MYH13: variants seen among roughly 807,000 people sequenced by gnomAD.
The protein encoded by MYH13 is myosin-13.
Under a neutral mutation model 232.1 loss-of-function variants are expected in MYH13, and 177 were observed. The ratio of observed to expected loss-of-function variants is 0.76; its 90% confidence interval spans 0.67 to 0.86. The LOEUF (loss-of-function observed/expected upper bound fraction) is 0.86, where lower values mean the gene tolerates loss of function less well. Among genes scored for constraint, MYH13 ranks in the 40% least tolerant of loss-of-function variants. The pLI, the probability that MYH13 is intolerant of heterozygous loss-of-function variation, is 0.00. For synonymous variants in MYH13, 884 were observed against 923.5 expected, an observed-to-expected ratio of 0.96 and a Z score of 0.78; for missense variants, 2,246 against 2,405.9, an observed-to-expected ratio of 0.93 and a Z score of 1.39.
intron 11 of MYH13, among the ~76,000 whole-genome samples, chr17:10,354,043 A>G (rs535312425): frequency 1.8e-4 from 27 of 152,362 alleles, no homozygotes; most frequent in African/African-American, 5.8e-4. Flanking sequence ...CCACATTTGT[A>G]AAATGGAGAC....
At position 10,318,817 on chromosome 17, in the gene MYH13, G is replaced by T; in HGVS notation, c.3711C>A (p.Ser1237Arg). Reference sequence around the variant, plus strand: ...TTGACTTGGAGAGAGCCTCGATGTTGCTGGCCATGTCGTCAATCTCCATCT... The same window carrying T: ...TTGACTTGGAGAGAGCCTCGATGTTTCTGGCCATGTCGTCAATCTCCATCT... Reference protein sequence around the residue: ...ELKMEIDDMASNIEALSKSKS... With the variant: ...ELKMEIDDMARNIEALSKSKS... Residue 1237 changes from serine (S) to arginine (R), a missense_variant, in exon 27 of 41, where the codon AGC (serine) becomes AGA (arginine). Physicochemically the swap from Ser to Arg is moderately radical, Grantham distance 110 (BLOSUM62 -1). Transcript: ENST00000252172. 1 of 1,614,080 alleles carries T rather than the reference G, an allele frequency of 6.2e-7. No homozygotes were observed. The highest frequency in any genetic ancestry group is 1.1e-5 in the South Asian group (1 of 91,078).
intron 3 of MYH13, 99 bp downstream of exon 3, chr17:10,364,228 C>T (rs2071815221): frequency 7.9e-7 from 1 of 1,272,882 alleles, no homozygotes; most frequent in Admixed American, 2.1e-5. Context: ...TTTGTTCTGT[C>T]TTCAGATTCC....
rs148715854 is a variant in MYH13, at chr17:10,365,208, G to A, written c.-12-666C>T. On this transcript the variant is annotated intron_variant, in intron 2 of 40. Transcript: ENST00000252172. ...ACTTTCTAAATCGCTCATCGTGTTT[G>A]AGCCTGTGATCTCAGTGTCAGTTTA... is the stretch of plus-strand genomic sequence containing the variant. Among the ~76,000 whole-genome samples the A allele has an allele frequency of 3.9e-5, 6 of 152,278 alleles. No homozygotes were observed. In the East Asian group the frequency reaches 7.7e-4, roughly 20 times the overall value.
Position 10,333,086 on chromosome 17 carries a change from T to A in MYH13, c.2162A>T (p.Asp721Val). 1.9e-6 allele frequency: 3 copies of A among 1,550,290 alleles called. No individual in the cohort carries two copies. Among genetic ancestry groups the A allele is most frequent in the Non-Finnish European group, 2.6e-6 (3 of 1,145,654 alleles). Residue 721 changes from aspartate (D) to valine (V), a missense_variant, in exon 19 of 41, where the codon GAC becomes GTC. By Grantham distance (152) the Asp-to-Val change is radical (BLOSUM62 -3). Coordinates refer to ENST00000252172, the MANE Select transcript of MYH13 (RefSeq NM_003802.3). Reference sequence around the variant, plus strand: ...AGAGGGAACCTACCGCTGCTTGAAGTCAGCATAGAGGATCCGGCTGGGGAA... The same window carrying A: ...AGAGGGAACCTACCGCTGCTTGAAGACAGCATAGAGGATCCGGCTGGGGAA... ...KGFPSRILYA[D>V]FKQRYRILNA...
chr17:10,371,710 A>G (rs890505156), intron 1 of MYH13, among the ~76,000 whole-genome samples: 4 of 152,196 alleles, frequency 2.6e-5, no homozygotes, highest in Non-Finnish European at 4.4e-5. Flanking sequence ...GTCAGGGAAG[A>G]AAGAAAGTAG....
At position 10,306,746 on chromosome 17, in the gene MYH13, G is replaced by T. The variant is rs1906300582; in HGVS notation, c.5296-117C>A. 1.3e-6 allele frequency: 2 copies of T among 1,529,794 alleles called. No individual in the cohort carries two copies. The highest frequency in any genetic ancestry group is 1.3e-5 in the South Asian group (1 of 79,372). 94.8% of individuals were successfully genotyped at this position (1,529,794 alleles called of 1,614,324 possible). ...AGCCTCCCCTGTCTGACTGGGGCCA[G>T]TCATTGCTGATTCCCCACAGCCTCC... On this transcript the variant is annotated intron_variant, in intron 36 of 40. Coordinates refer to ENST00000252172, the MANE Select transcript of MYH13 (RefSeq NM_003802.3). The surrounding 1 kb of genome is among the most constrained non-coding windows in gnomAD (Gnocchi z 4.3).
At chr17:10,324,376 A>T in intron 22 of MYH13, 112 bp from the exon 23 acceptor site, 1 of 1,229,476 alleles carries the variant, frequency 8.1e-7, no homozygotes, top group Middle Eastern at 2.0e-4. Flanking sequence ...GAAATGGGTC[A>T]TGCACACACA....
intron 8 of MYH13, among the ~76,000 whole-genome samples, chr17:10,356,051 C>T (rs936176436): frequency 7.2e-5 from 11 of 151,884 alleles, no homozygotes; most frequent in Admixed American, 3.9e-4. Context: ...ATTTCATATG[C>T]GTGTTTGTGT....
intron 29 of MYH13, 104 bp from the exon 30 acceptor site, chr17:10,313,458 T>G: frequency 6.5e-7 from 1 of 1,538,762 alleles, no homozygotes; most frequent in Non-Finnish European, 8.8e-7. Flanking sequence ...ATCCCTATGC[T>G]GTCTTCACCA....
Position 10,306,525 on chromosome 17 carries a change from A to T in MYH13, c.5400T>A (p.Arg1800=). 6.2e-7 allele frequency: 1 copy of T among 1,613,680 alleles called. No homozygotes were observed. Residue 1800 remains arginine (R), a synonymous_variant, in exon 37 of 41, where the codon CGT becomes CGA. Transcript: ENST00000252172. This position sits in a 1 kb window ranked among gnomAD's most constrained non-coding sequence, Gnocchi z 4.3. The stretch of plus-strand genomic sequence containing the variant: ...GCGCCAGTTGTTCAGCCTCATCTAG[A>T]CGGTGCTGCAGGTCCTTCACCGTCT... ...LEQTVKDLQH[R]LDEAEQLALK... is the part of the protein sequence containing the mutation.
At chr17:10,336,438 A>G (rs2071575844) in intron 18 of MYH13, among the ~76,000 whole-genome samples, 1 of 152,092 alleles carries the variant, frequency 6.6e-6, no homozygotes, top group South Asian at 2.1e-4. Context: ...GGTATTAGCC[A>G]TGCTTTTGAA....
At chr17:10,357,891 G>C in intron 7 of MYH13, 64 bp from the exon 8 acceptor site, 1 of 1,436,242 alleles carries the variant, frequency 7.0e-7, no homozygotes, top group South Asian at 1.2e-5. Flanking sequence ...GCCCCTTGAT[G>C]ACTAAAACGG....
intron 8 of MYH13, among the ~76,000 whole-genome samples, chr17:10,356,597 T>C (rs1046841831): frequency 1.4e-4 from 21 of 152,198 alleles, no homozygotes; most frequent in Non-Finnish European, 2.6e-4. Context: ...AGGTGCAAAC[T>C]GGCAGTGCAC....
chr17:10,309,853 T>A, intron 33 of MYH13, 23 bp from the exon 34 acceptor site: 1 of 1,532,300 alleles, frequency 6.5e-7, no homozygotes, highest in Non-Finnish European at 8.8e-7. Context: ...AAGGAGTGAT[T>A]GAGAGTGCCG....
chr17:10,305,714 A>G (rs965894898), intron 37 of MYH13, among the ~76,000 whole-genome samples: 4 of 152,182 alleles, frequency 2.6e-5, no homozygotes, highest in African/African-American at 4.8e-5. Context: ...AAATGATTGA[A>G]ATAAACCACA....
At chr17:10,363,302 T>G (rs1309668656) in intron 3 of MYH13, among the ~76,000 whole-genome samples, 2 of 106,338 alleles carry the variant, frequency 1.9e-5, no homozygotes, top group African/African-American at 3.9e-5. Context: ...GGCGACACAG[T>G]GAGACTCCGT....
chr17:10,321,695 G>A lies in MYH13; in HGVS notation c.2948C>T (p.Ser983Phe). ...TTCTTCAAGTGCTGTCATTTCTTCG[G>A]AAAGATTCTTTACCTGGGACAATAT... ...HATENKVKNL[S>F]EEMTALEENI... The change falls in exon 24 of 41, where the codon TCC becomes TTC. Residue 983 changes from serine (S) to phenylalanine (F), a missense_variant. Physicochemically the swap from Ser to Phe is radical, Grantham distance 155. Coordinates refer to ENST00000252172, the MANE Select transcript of MYH13 (RefSeq NM_003802.3). 6.2e-7 allele frequency: 1 copy of A among 1,612,492 alleles called. No homozygotes were observed. The highest frequency in any genetic ancestry group is 1.1e-5 in the South Asian group (1 of 90,788).
chr17:10,309,131 G>A (rs1906395086), intron 35 of MYH13, 103 bp downstream of exon 35: 2 of 1,229,462 alleles, frequency 1.6e-6, no homozygotes, highest in Non-Finnish European at 2.2e-6. Flanking sequence ...TCCTTCCCAC[G>A]GCGTGGGCCC....
chr17:10,302,927 G>T (rs1433820458), intron 39 of MYH13, among the ~76,000 whole-genome samples: 2 of 151,928 alleles, frequency 1.3e-5, no homozygotes, highest in Non-Finnish European at 2.9e-5. Flanking sequence ...TGCTCTAGGG[G>T]GTGTCAAGTG....
Sources: gnomAD v4.1 joint callset for allele counts (sites outside exome capture counted in the v4.1 genomes callset) on GRCh38, gnomAD v4.1.1 for gene constraint, Gnocchi (gnomAD v3.1) non-coding constraint, MANE v1.5 for transcripts, NCBI Gene and HGNC (gene_info 2026-07-23, HGNC 2026-07-21) for gene names.